PPEF2: variants seen among roughly 807,000 people sequenced by gnomAD.
PPEF2 encodes the protein protein phosphatase with EF-hand domain 2.
In PPEF2, 84 loss-of-function variants were observed where a neutral mutation model predicts 84.7. That is an observed-to-expected ratio of 0.99 (90% CI 0.83 to 1.19). The LOEUF is 1.19. Ranked by LOEUF, PPEF2 falls within the 50% of genes most tolerant of loss-of-function variation. The pLI, the probability that PPEF2 is intolerant of heterozygous loss-of-function variation, is 0.00. For missense variants in PPEF2, 924 were observed against 937.5 expected (o/e 0.99, Z 0.19); for synonymous variants, 346 against 345.2 (o/e 1.00, Z -0.03).
intron 8 of PPEF2, among the ~76,000 whole-genome samples, chr4:75,883,911 C>T (rs879720345): frequency 1.3e-5 from 2 of 151,614 alleles, no homozygotes; most frequent in Non-Finnish European, 2.9e-5. Context: ...GGGTGTATCA[C>T]CTGAGGTCAG....
At chr4:75,872,674 G>A (rs769444037) in intron 12 of PPEF2, among the ~76,000 whole-genome samples, 2 of 152,154 alleles carry the variant, frequency 1.3e-5, no homozygotes, top group Non-Finnish European at 2.9e-5. Flanking sequence ...GAAACTAAAG[G>A]TACTCAGAAG....
chr4:75,866,494 G>A lies in PPEF2; in HGVS notation c.1757-142C>T, dbSNP rs564411117. ...GGCACTGTCACTATTTTTGTTGATA[G>A]TAGCAGAGTTGGCTGGAAGCTAGGC... is the stretch of plus-strand genomic sequence containing the variant. On this transcript the variant is annotated intron_variant, in intron 14 of 16. Transcript: ENST00000286719. 3 of 1,095,184 alleles carry A rather than the reference G, an allele frequency of 2.7e-6. No homozygotes were observed. The East Asian group carries it at 7.8e-5, about 28-fold the overall frequency. 67.8% of individuals were successfully genotyped at this position (1,095,184 alleles called of 1,614,324 possible).
At chr4:75,875,711 G>A (rs1197698858) in intron 11 of PPEF2, among the ~76,000 whole-genome samples, 4 of 152,198 alleles carry the variant, frequency 2.6e-5, no homozygotes, top group Non-Finnish European at 5.9e-5. Context: ...GTCATCATCG[G>A]TGAAGTCGGC....
intron 16 of PPEF2, among the ~76,000 whole-genome samples, chr4:75,861,892 A>G (rs1025028085): frequency 3.4e-5 from 5 of 148,478 alleles, no homozygotes; most frequent in Non-Finnish European, 1.5e-5. Flanking sequence ...TACAGGCGTG[A>G]GCCACCGTGA....
At chr4:75,893,600 C>G (rs1392911780) in intron 2 of PPEF2, among the ~76,000 whole-genome samples, 3 of 152,142 alleles carry the variant, frequency 2.0e-5, no homozygotes, top group Non-Finnish European at 4.4e-5. Context: ...GTTGCTACAC[C>G]TCACCCTGGA....
rs1462579708 is a variant in PPEF2, at chr4:75,884,604, C to T, written c.736G>A (p.Val246Met). ...TGTTTTGACTTGTACCGTAAGTTCA[C>T]CATATGGTCCTCATGGTTTCCTCTG... ...LNRGNHEDHM[V>M]NLRYGFTKEV... The change falls in exon 8 of 17, where the codon GTG (valine) becomes ATG (methionine). Residue 246 changes from valine to methionine, a missense_variant. Coordinates refer to ENST00000286719, the MANE Select transcript of PPEF2 (RefSeq NM_006239.3). 7 of 1,598,954 alleles carry T rather than the reference C, an allele frequency of 4.4e-6. No homozygotes were observed. Among genetic ancestry groups the T allele is most frequent in the Non-Finnish European group, 4.3e-6 (5 of 1,176,222 alleles).
chr4:75,898,477 CA>C (rs1725055989), intron 1 of PPEF2, among the ~76,000 whole-genome samples: 1 of 152,254 alleles, frequency 6.6e-6, no homozygotes, highest in Non-Finnish European at 1.5e-5. Context: ...CTTTAAGTAT[CA>C]CCTTCCTTAA....
chr4:75,895,103 C>T (rs929030709), intron 2 of PPEF2, among the ~76,000 whole-genome samples: 1 of 151,282 alleles, frequency 6.6e-6, no homozygotes, highest in East Asian at 1.9e-4. Context: ...TACAGAGGTG[C>T]TCGCCACCAC....
chr4:75,888,082 G>T lies in PPEF2; in HGVS notation c.532+132C>A, dbSNP rs140889019. On this transcript the variant is annotated intron_variant, in intron 6 of 16. Coordinates refer to ENST00000286719, the MANE Select transcript of PPEF2 (RefSeq NM_006239.3). ...TAAATGTGGAGTGAATATGCAAATTGTGGACCTGAAGGGGTTAAATTTGGC... is the reference window on the plus strand; with the variant it reads ...TAAATGTGGAGTGAATATGCAAATTTTGGACCTGAAGGGGTTAAATTTGGC... 7.5e-6 allele frequency: 5 copies of T among 668,380 alleles called. No homozygotes were observed. The African/African-American group carries it at 8.9e-5, about 12-fold the overall frequency. The allele number at this position is 668,380 out of a possible 1,614,324, so 41.4% of individuals were successfully genotyped here. A position where few individuals can be genotyped will look rare whatever the true frequency, so the allele number is the denominator to read the frequency against.
In PPEF2 at chr4:75,873,120, C is replaced by A. The variant is rs1251756243; in HGVS notation, c.1506+7G>T. 39 of 1,610,658 alleles carry A rather than the reference C, an allele frequency of 2.4e-5. No homozygotes were observed. Among genetic ancestry groups the A allele is most frequent in the Non-Finnish European group, 3.3e-5 (39 of 1,177,762 alleles). ...CAAGCCTGTACTGCTGCAGAGGGAGCACCCACCTTGCGGTTGTGACAGAAT... is the reference window on the plus strand; with the variant it reads ...CAAGCCTGTACTGCTGCAGAGGGAGAACCCACCTTGCGGTTGTGACAGAAT... On this transcript the variant is annotated splice_region_variant and intron_variant, in intron 12 of 16. Coordinates refer to ENST00000286719, the MANE Select transcript of PPEF2 (RefSeq NM_006239.3).
At chr4:75,892,876 T>G (rs949689465) in intron 2 of PPEF2, among the ~76,000 whole-genome samples, 1 of 152,212 alleles carries the variant, frequency 6.6e-6, no homozygotes, top group East Asian at 1.9e-4. Context: ...TGGTGATGAA[T>G]GGACTATTTG....
In PPEF2 at chr4:75,883,200, T is replaced by C; in HGVS notation, c.749A>G (p.Tyr250Cys). The stretch of plus-strand genomic sequence containing the variant: ...ATTCATCACTTCCTTGGTGAAGCCA[T>C]ATCTAGATTTAGAAGCACAAATAGA... ...NHEDHMVNLR[Y>C]GFTKEVMNKY... Residue 250 changes from tyrosine to cysteine, a missense_variant and splice_region_variant, in exon 9 of 17, where the codon TAT becomes TGT. Transcript: ENST00000286719. The C allele has an allele frequency of 6.2e-7, 1 of 1,613,038 alleles. No individual in the cohort carries two copies. Among genetic ancestry groups the C allele is most frequent in the Non-Finnish European group, 8.5e-7 (1 of 1,179,366 alleles).
intron 10 of PPEF2, among the ~76,000 whole-genome samples, chr4:75,881,035 C>T (rs1319328138): frequency 2.0e-5 from 3 of 151,280 alleles, no homozygotes; most frequent in Admixed American, 1.3e-4. Context: ...CTCCTGACCT[C>T]GTGATCCACC....
chr4:75,863,145 A>C (rs567936446), intron 16 of PPEF2, among the ~76,000 whole-genome samples: 15 of 152,204 alleles, frequency 9.9e-5, no homozygotes, highest in African/African-American at 3.6e-4. Flanking sequence ...TGGAGGAGGG[A>C]TAGGGAATGA....
rs137989294 is a variant in PPEF2 at position 75,884,747 on chromosome 4, G to A, written c.593C>T (p.Ser198Leu). The A allele has an allele frequency of 5.0e-6, 8 of 1,590,910 alleles. No homozygotes were observed. The highest frequency in any genetic ancestry group is 1.2e-5 in the South Asian group (1 of 86,304). ...GTTGAACACATATGACCGTTCTGGC[G>A]ACGGGAGGCCATTCTTTTCAACAAG... ...IFIFYKNGLPSPERSYVFNGD... is the reference protein window; with the variant it reads ...IFIFYKNGLPLPERSYVFNGD... Residue 198 changes from serine to leucine, a missense_variant, in exon 8 of 17, where the codon TCG becomes TTG. Coordinates refer to ENST00000286719, the MANE Select transcript of PPEF2 (RefSeq NM_006239.3).
In PPEF2 at chr4:75,902,371, A is replaced by G. The variant is rs1331527054; in HGVS notation, c.-200T>C. The G allele has an allele frequency of 2.0e-5, 3 of 152,260 alleles. No homozygotes were observed. Among genetic ancestry groups the G allele is most frequent in the Non-Finnish European group, 4.4e-5 (3 of 68,068 alleles). 9.4% of individuals were successfully genotyped at this position (152,260 alleles called of 1,614,324 possible). A position where few individuals can be genotyped will look rare whatever the true frequency, so the allele number is the denominator to read the frequency against. Reference sequence around the variant, plus strand: ...GATTTCTTTCAGACCTACAGAGCCCATAAAGAAGGTGCAGCCCTAGTCTGC... The same window carrying G: ...GATTTCTTTCAGACCTACAGAGCCCGTAAAGAAGGTGCAGCCCTAGTCTGC... On this transcript the variant is annotated 5_prime_UTR_variant, in exon 1 of 17. The change abolishes an upstream ATG in the 5' untranslated region. Transcript: ENST00000286719.
At position 75,891,639 on chromosome 4, in the gene PPEF2, C is replaced by G; in HGVS notation, c.241+9G>C. The G allele has an allele frequency of 6.2e-7, 1 of 1,603,486 alleles. No homozygotes were observed. The highest frequency in any genetic ancestry group is 8.5e-7 in the Non-Finnish European group (1 of 1,175,562). On this transcript the variant is annotated intron_variant, in intron 4 of 16. Coordinates refer to ENST00000286719, the MANE Select transcript of PPEF2 (RefSeq NM_006239.3). ...CAGGAGGACATGACATGTGGCAGTT[C>G]ATACTCACTGTCGTTGTGGCTGCTG...
chr4:75,867,964 G>A lies in PPEF2; in HGVS notation c.1650-545C>T, dbSNP rs375979694. 7.2e-5 allele frequency among the ~76,000 whole-genome samples: 11 copies of A among 152,254 alleles called. No individual in the cohort carries two copies. In the East Asian group the frequency reaches 2.1e-3, roughly 29 times the overall value. ...GGTCAATAGAGTAATGCTGGGCACA[G>A]TACTTGGCCCAAAGTAAGTGCTCAA... On this transcript the variant is annotated intron_variant, in intron 13 of 16. Transcript: ENST00000286719.
intron 5 of PPEF2, 46 bp downstream of exon 5, chr4:75,889,911 C>T (rs1298916607): frequency 1.3e-6 from 2 of 1,597,504 alleles, no homozygotes; most frequent in East Asian, 4.5e-5. Flanking sequence ...TCCCTTCACA[C>T]ATTTCATGGA....
Sources: gnomAD v4.1 joint callset for allele counts (sites outside exome capture counted in the v4.1 genomes callset) on GRCh38, gnomAD v4.1.1 for gene constraint, MANE v1.5 for transcripts, NCBI Gene and HGNC (gene_info 2026-07-23, HGNC 2026-07-21) for gene names.